MMP16: variants seen among roughly 807,000 people sequenced by gnomAD.
The protein encoded by MMP16 is matrix metalloproteinase-16.
In MMP16, 12 loss-of-function variants were observed where a neutral mutation model predicts 67.8. The ratio of observed to expected loss-of-function variants is 0.18; its 90% CI spans 0.11 to 0.29. The LOEUF is 0.29. Ranked by LOEUF, MMP16 falls within the 10% of genes least tolerant of loss-of-function variation. The pLI is 1.00. For synonymous variants in MMP16, 249 were observed against 255.9 expected (o/e 0.97, Z 0.26); for missense variants, 475 against 765.7 (o/e 0.62, Z 4.48).
chr8:88,298,468 A>T (rs936440320), intron 1 of MMP16, among the ~76,000 whole-genome samples: 1 of 152,206 alleles, frequency 6.6e-6, no homozygotes, highest in Non-Finnish European at 1.5e-5. Context: ...TCCTTCAGGA[A>T]ATTCTACAAC....
intron 7 of MMP16, among the ~76,000 whole-genome samples, chr8:88,060,497 T>C (rs1808384245): frequency 6.6e-6 from 1 of 152,156 alleles, no homozygotes; most frequent in Non-Finnish European, 1.5e-5. Context: ...TTATATGTCA[T>C]TTCAAGGTTC....
rs191430423 is a variant in MMP16 at position 88,080,954 on chromosome 8, G to A, written c.1084-6211C>T. ...TGGTGGTCTTGGTTTTCCATTCCGT[G>A]GTAGGCCTGCTTTGGTTCTACCTCT... On this transcript the variant is annotated intron_variant, in intron 6 of 9. Transcript: ENST00000286614. Among the ~76,000 whole-genome samples the A allele has an allele frequency of 3.9e-5, 6 of 152,216 alleles. No individual in the cohort carries two copies. In the East Asian group the frequency reaches 1.2e-3, roughly 30 times the overall value.
chr8:88,147,051 A>T (rs1808305364), intron 4 of MMP16, among the ~76,000 whole-genome samples: 1 of 152,024 alleles, frequency 6.6e-6, no homozygotes, highest in Non-Finnish European at 1.5e-5. Flanking sequence ...TTACTTTGTA[A>T]GTGGCAAGTT....
intron 1 of MMP16, among the ~76,000 whole-genome samples, chr8:88,322,960 G>A (rs910454107): frequency 3.3e-5 from 5 of 152,112 alleles, no homozygotes; most frequent in African/African-American, 1.2e-4. Flanking sequence ...GGGCCCTTAT[G>A]AGCACCCTAA....
chr8:88,166,188 A>G (rs1012219638), intron 4 of MMP16, among the ~76,000 whole-genome samples: 1 of 152,112 alleles, frequency 6.6e-6, no homozygotes, highest in East Asian at 1.9e-4. Context: ...ATGAACAAAC[A>G]AAGCTTAATG....
intron 4 of MMP16, among the ~76,000 whole-genome samples, chr8:88,165,083 C>T (rs1397648476): frequency 6.7e-6 from 1 of 148,552 alleles, no homozygotes; most frequent in Non-Finnish European, 1.5e-5. Flanking sequence ...CTAGGTAATA[C>T]TGTAATTCCA....
intron 2 of MMP16, among the ~76,000 whole-genome samples, chr8:88,190,223 T>C (rs1329614696): frequency 6.6e-6 from 1 of 152,184 alleles, no homozygotes; most frequent in Non-Finnish European, 1.5e-5. Flanking sequence ...CTATGTTAAC[T>C]TCACCAATAT....
chr8:88,154,430 C>T (rs1283274973), intron 4 of MMP16, among the ~76,000 whole-genome samples: 71 of 140,418 alleles, frequency 5.1e-4, no homozygotes, highest in African/African-American at 1.3e-3. Flanking sequence ...ATGTTTATTG[C>T]GGCATTATTC....
intron 4 of MMP16, among the ~76,000 whole-genome samples, chr8:88,153,198 G>A (rs1346351692): frequency 6.6e-6 from 1 of 150,936 alleles, no homozygotes; most frequent in Non-Finnish European, 1.5e-5. Context: ...ACAAATCACT[G>A]CTCAAGGAAA....
intron 8 of MMP16, among the ~76,000 whole-genome samples, chr8:88,054,212 G>A (rs1198178697): frequency 2.6e-5 from 4 of 152,142 alleles, no homozygotes; most frequent in Non-Finnish European, 5.9e-5. Context: ...TTACATGAAA[G>A]TTAAGCTTCC....
At chr8:88,186,444 GA>G in intron 3 of MMP16, 31 bp downstream of exon 3, 1 of 1,611,430 alleles carries the variant, frequency 6.2e-7, no homozygotes, top group Non-Finnish European at 8.5e-7. Flanking sequence ...GAAATATGGG[GA>G]AAAGGGGAGA....
chr8:88,253,286 T>C (rs1810253792), intron 1 of MMP16, among the ~76,000 whole-genome samples: 1 of 152,166 alleles, frequency 6.6e-6, no homozygotes, highest in Non-Finnish European at 1.5e-5. Flanking sequence ...GGGTAGAACA[T>C]AACTCCCTAT....
chr8:88,273,909 A>G (rs779499302), intron 1 of MMP16, among the ~76,000 whole-genome samples: 31 of 152,330 alleles, frequency 2.0e-4, no homozygotes, highest in Admixed American at 3.9e-4. Flanking sequence ...AGGGGACACC[A>G]CAAAACAGCA....
intron 3 of MMP16, among the ~76,000 whole-genome samples, chr8:88,181,776 A>C (rs1339613915): frequency 1.3e-5 from 2 of 152,050 alleles, no homozygotes; most frequent in African/African-American, 4.8e-5. Context: ...ACTTACTATA[A>C]AATCAGAGTA....
At chr8:88,239,933 C>A (rs1362853324) in intron 1 of MMP16, among the ~76,000 whole-genome samples, 2 of 152,146 alleles carry the variant, frequency 1.3e-5, no homozygotes, top group African/African-American at 4.8e-5. Flanking sequence ...ATTAAGAAAT[C>A]ACTTATCTTA....
chr8:88,183,574 G>A (rs1809017222), intron 3 of MMP16, among the ~76,000 whole-genome samples: 1 of 152,036 alleles, frequency 6.6e-6, no homozygotes. Flanking sequence ...GCTGTGCAAT[G>A]TTGCTGAATA....
intron 1 of MMP16, among the ~76,000 whole-genome samples, chr8:88,251,169 G>A (rs1810214192): frequency 6.6e-6 from 1 of 151,378 alleles, no homozygotes; most frequent in South Asian, 2.1e-4. Context: ...TCTTAATCCA[G>A]AGCCCGCATC....
At chr8:88,119,434 T>A (rs762525334) in intron 4 of MMP16, among the ~76,000 whole-genome samples, 1 of 152,054 alleles carries the variant, frequency 6.6e-6, no homozygotes, top group Non-Finnish European at 1.5e-5. Flanking sequence ...ATAAAATCTA[T>A]AGGCTATTAG....
rs550720448 is a variant in MMP16 at position 88,247,874 on chromosome 8, C to T, written c.133-50568G>A. ...ATCTTGTACATTTCCTCCCCCTACT[C>T]TCTCTCATCACAGTGATGAGGCCTC... is the stretch of plus-strand genomic sequence containing the variant. On this transcript the variant is annotated intron_variant, in intron 1 of 9. Transcript: ENST00000286614. Among the ~76,000 whole-genome samples the T allele has an allele frequency of 3.3e-5, 5 of 152,110 alleles. No individual in the cohort carries two copies. In the South Asian group the frequency reaches 1.0e-3, roughly 32 times the overall value.
Sources: gnomAD v4.1 joint callset for allele counts (sites outside exome capture counted in the v4.1 genomes callset) on GRCh38, gnomAD v4.1.1 for gene constraint, MANE v1.5 for transcripts, NCBI Gene and HGNC (gene_info 2026-07-23, HGNC 2026-07-21) for gene names.